Variants in XKR6 observed in about 807,000 individuals in gnomAD.
XKR6 encodes XK related 6, also known as XK-related protein 6.
A neutral mutation model predicts 56.7 loss-of-function variants in XKR6; 22 were observed. That is an observed-to-expected ratio of 0.39 (90% CI 0.28 to 0.55). The LOEUF (loss-of-function observed/expected upper bound fraction) is 0.55, where lower values mean the gene tolerates loss of function less well. Ranked by LOEUF, XKR6 falls within the 20% of genes least tolerant of loss-of-function variation. XKR6 has a pLI of 0.66. For missense variants in XKR6, 852 were observed against 889.0 expected, an observed-to-expected ratio of 0.96 and a Z score of 0.53; for synonymous variants, 524 against 387.8, an observed-to-expected ratio of 1.35 and a Z score of -4.13.
At position 10,960,780 on chromosome 8, in the gene XKR6, C is replaced by A. The variant is rs537132172; in HGVS notation, c.765-35950G>T. The stretch of plus-strand genomic sequence containing the variant: ...CCCTCTCACTCCCTCATCTAATCAC[C>A]CTTTCACTCCTGCAGCACACACAGC... On this transcript the variant is annotated intron_variant, in intron 1 of 2. Transcript: ENST00000416569. Among the ~76,000 whole-genome samples the A allele has an allele frequency of 8.5e-5, 13 of 152,304 alleles. 1 individual carries two copies. In the South Asian group the frequency reaches 2.5e-3, roughly 29 times the overall value.
intron 1 of XKR6, among the ~76,000 whole-genome samples, chr8:11,013,400 G>C (rs990834702): frequency 6.6e-6 from 1 of 152,196 alleles, no homozygotes; most frequent in Non-Finnish European, 1.5e-5. Flanking sequence ...GAGGGCCACA[G>C]AGGTGAAGCT....
intron 1 of XKR6, among the ~76,000 whole-genome samples, chr8:11,020,939 G>C (rs1292107778): frequency 6.6e-6 from 1 of 152,146 alleles, no homozygotes; most frequent in African/African-American, 2.4e-5. Context: ...CATAGTGGCT[G>C]GCACAGAGTA....
Position 11,066,640 on chromosome 8 carries a change from T to G in XKR6, c.764+133936A>C, listed in dbSNP as rs77638168. Reference sequence around the variant, plus strand: ...TCACGAGGCCAGTCCTGAGGAAAGCTTTTCCTCCAAAGCACGTGGACAGCA... The same window carrying G: ...TCACGAGGCCAGTCCTGAGGAAAGCGTTTCCTCCAAAGCACGTGGACAGCA... On this transcript the variant is annotated intron_variant, in intron 1 of 2. Transcript: ENST00000416569. Among the ~76,000 whole-genome samples the G allele has an allele frequency of 4.2e-4, 64 of 152,306 alleles. No individual in the cohort carries two copies. In the East Asian group the frequency reaches 8.7e-3, roughly 21 times the overall value.
chr8:11,187,528 T>G (rs1273297334), intron 1 of XKR6, among the ~76,000 whole-genome samples: 1 of 152,150 alleles, frequency 6.6e-6, no homozygotes, highest in African/African-American at 2.4e-5. Context: ...GGAGTGTTGG[T>G]TCACGAGTGG....
chr8:10,990,737 G>A (rs1049898919), intron 1 of XKR6, among the ~76,000 whole-genome samples: 1 of 151,452 alleles, frequency 6.6e-6, no homozygotes, highest in African/African-American at 2.4e-5. Context: ...GCACCACCAT[G>A]CCCAGTTAAT....
At chr8:11,054,943 G>A (rs1462289101) in intron 1 of XKR6, among the ~76,000 whole-genome samples, 1 of 152,192 alleles carries the variant, frequency 6.6e-6, no homozygotes, top group South Asian at 2.1e-4. Context: ...TGGAAGCCTG[G>A]GCTCAGGCCA....
chr8:10,916,103 C>T (rs946747614), intron 2 of XKR6, among the ~76,000 whole-genome samples: 3 of 152,244 alleles, frequency 2.0e-5, no homozygotes, highest in African/African-American at 7.2e-5. Flanking sequence ...GAAGGAGGGG[C>T]TCTGCTCAAT....
chr8:10,920,399 G>C (rs1371748850), intron 2 of XKR6, among the ~76,000 whole-genome samples: 1 of 152,142 alleles, frequency 6.6e-6, no homozygotes, highest in East Asian at 1.9e-4. Flanking sequence ...TGAGAAAAAT[G>C]AGGAACAGAC....
intron 1 of XKR6, among the ~76,000 whole-genome samples, chr8:11,185,008 G>C (rs1803196681): frequency 6.6e-6 from 1 of 152,158 alleles, no homozygotes; most frequent in Non-Finnish European, 1.5e-5. Context: ...CCACTGTCTG[G>C]TGGTTTTTCT....
At chr8:10,945,833 G>C (rs558803891) in intron 1 of XKR6, among the ~76,000 whole-genome samples, 7 of 152,284 alleles carry the variant, frequency 4.6e-5, no homozygotes, top group African/African-American at 1.7e-4. Context: ...GAACCCGAGA[G>C]CTGGGTGGTG....
chr8:10,995,870 C>A (rs529576035), intron 1 of XKR6, among the ~76,000 whole-genome samples: 1 of 152,246 alleles, frequency 6.6e-6, no homozygotes, highest in South Asian at 2.1e-4. Context: ...TGGTGAAGAC[C>A]ATCATGGTGA....
At position 11,197,797 on chromosome 8, in the gene XKR6, G is replaced by GACAGGAATGGCAAGATGCAGAGAAGTGC. The variant is rs577165754; in HGVS notation, c.764+2751_764+2778dup. 5.0e-3 allele frequency among the ~76,000 whole-genome samples: 766 copies of GACAGGAATGGCAAGATGCAGAGAAGTGC among 152,294 alleles called. 5 individuals are homozygous for GACAGGAATGGCAAGATGCAGAGAAGTGC. The highest frequency in any genetic ancestry group is 0.017 in the Middle Eastern group (5 of 294). ...AAAGACGTCAAGTATTTGCCATCTT[G>GACAGGAATGGCAAGATGCAGAGAAGTGC]ACAGGAATGGCAAGATGCAGAGAAG... is the stretch of plus-strand genomic sequence containing the variant. On this transcript the variant is annotated intron_variant, in intron 1 of 2. Transcript: ENST00000416569.
In XKR6 at chr8:11,191,352, T is replaced by C. The variant is rs535181728; in HGVS notation, c.764+9224A>G. On this transcript the variant is annotated intron_variant, in intron 1 of 2. Coordinates refer to ENST00000416569, the MANE Select transcript of XKR6 (RefSeq NM_173683.4). ...AAACGGTATTTAGGAAAAGAGACAC[T>C]GATACTTTGCTAACATATGACCCCA... Among the ~76,000 whole-genome samples, 27 of 152,308 alleles carry C rather than the reference T, an allele frequency of 1.8e-4. 2 individuals are homozygous for C. The South Asian group carries it at 3.1e-3, about 18-fold the overall frequency.
At chr8:10,997,430 C>T (rs1798139294) in intron 1 of XKR6, among the ~76,000 whole-genome samples, 1 of 152,170 alleles carries the variant, frequency 6.6e-6, no homozygotes, top group Non-Finnish European at 1.5e-5. Flanking sequence ...GGATGTAAAC[C>T]CAGAGAGCAG....
chr8:11,024,967 T>C (rs1204465680), intron 1 of XKR6, among the ~76,000 whole-genome samples: 1 of 152,212 alleles, frequency 6.6e-6, no homozygotes, highest in Non-Finnish European at 1.5e-5. Context: ...CTAAAGTGGC[T>C]GCCTCAGGCC....
intron 1 of XKR6, among the ~76,000 whole-genome samples, chr8:11,079,659 T>C (rs1797647846): frequency 6.6e-6 from 1 of 152,208 alleles, no homozygotes; most frequent in Admixed American, 6.5e-5. Flanking sequence ...GGTAACGTTG[T>C]TGTGATAAAC....
chr8:11,032,494 G>A (rs73541270), intron 1 of XKR6, among the ~76,000 whole-genome samples: 5,584 of 152,162 alleles, frequency 0.037, 312 homozygotes, highest in African/African-American at 0.12. Context: ...AGAGGTTGGG[G>A]ATAAGAAAAA....
At chr8:10,956,497 G>A (rs1427541029) in intron 1 of XKR6, among the ~76,000 whole-genome samples, 1 of 152,148 alleles carries the variant, frequency 6.6e-6, no homozygotes, top group African/African-American at 2.4e-5. Context: ...GAGGATGAAG[G>A]GCCCAGGCCT....
intron 1 of XKR6, among the ~76,000 whole-genome samples, chr8:11,036,883 G>T (rs1470859883): frequency 4.6e-5 from 7 of 152,208 alleles, no homozygotes; most frequent in Admixed American, 4.6e-4. Flanking sequence ...AGCACAGGGT[G>T]GGGCGTGCCC....
Sources: allele counts gnomAD v4.1 joint callset (sites outside exome capture counted in the v4.1 genomes callset), GRCh38; gene constraint gnomAD v4.1.1; transcripts MANE v1.5; gene names NCBI Gene and HGNC (gene_info 2026-07-23, HGNC 2026-07-21).